The following SHISA9 variants were observed in gnomAD, a reference collection of about 807,000 sequenced individuals.
The protein encoded by SHISA9 is protein shisa-9.
Under a neutral mutation model 38.0 loss-of-function variants are expected in SHISA9, and 13 were observed. The ratio of observed to expected loss-of-function variants is 0.34; its 90% CI spans 0.22 to 0.54. SHISA9 has a LOEUF of 0.54. Ranked by LOEUF, SHISA9 falls within the 20% of genes least tolerant of loss-of-function variation. The probability of loss-of-function intolerance (pLI) is 0.91; values close to 1 mark genes in which losing one functional copy is unlikely to be tolerated. For synonymous variants in SHISA9, 275 were observed against 242.0 expected, an observed-to-expected ratio of 1.14 and a Z score of -1.27; for missense variants, 538 against 575.8, an observed-to-expected ratio of 0.93 and a Z score of 0.67.
intron 2 of SHISA9, among the ~76,000 whole-genome samples, chr16:13,039,301 A>G (rs984919445): frequency 6.6e-6 from 1 of 152,184 alleles, no homozygotes; most frequent in African/African-American, 2.4e-5. Context: ...TGAACTCTCA[A>G]AATTCTCAGG....
At chr16:13,147,393 G>T (rs752010414) in intron 2 of SHISA9, among the ~76,000 whole-genome samples, 1 of 151,476 alleles carries the variant, frequency 6.6e-6, no homozygotes, top group African/African-American at 2.4e-5. Context: ...AAACTTTAAG[G>T]CTAGGGATTT....
chr16:13,136,270 G>A (rs1348905969), intron 2 of SHISA9, among the ~76,000 whole-genome samples: 3 of 151,932 alleles, frequency 2.0e-5, no homozygotes, highest in Non-Finnish European at 4.4e-5. Context: ...GTAGTCTGAG[G>A]ATTAAATGAA....
chr16:13,560,213 T>C, the SHISA9 span, among the ~76,000 whole-genome samples: 1 of 152,202 alleles, frequency 6.6e-6, no homozygotes, highest in Admixed American at 6.5e-5. Context: ...GCTTAGTATC[T>C]TCCCAACACA....
intron 2 of SHISA9, among the ~76,000 whole-genome samples, chr16:13,187,753 A>G (rs1289963646): frequency 1.3e-5 from 2 of 152,182 alleles, no homozygotes; most frequent in Non-Finnish European, 2.9e-5. Flanking sequence ...ATGAAATTTC[A>G]AAGCAAAATG....
intron 2 of SHISA9, among the ~76,000 whole-genome samples, chr16:12,923,802 C>T (rs1300857644): frequency 5.9e-5 from 9 of 151,600 alleles, no homozygotes; most frequent in Admixed American, 5.3e-4. Flanking sequence ...GATCACGTCA[C>T]TGCACCCCAG....
the SHISA9 span, among the ~76,000 whole-genome samples, chr16:13,535,862 C>A: frequency 2.6e-5 from 4 of 152,222 alleles, no homozygotes; most frequent in Non-Finnish European, 4.4e-5. Flanking sequence ...TCACGGTCTG[C>A]AAGACCTAGA....
intron 2 of SHISA9, among the ~76,000 whole-genome samples, chr16:12,996,209 A>G (rs886674745): frequency 6.6e-6 from 1 of 152,128 alleles, no homozygotes; most frequent in African/African-American, 2.4e-5. Context: ...TGAGCTACAC[A>G]ATGTGTTTTT....
intron 2 of SHISA9, among the ~76,000 whole-genome samples, chr16:13,116,612 C>G (rs1381646276): frequency 1.3e-5 from 2 of 152,154 alleles, no homozygotes; most frequent in Admixed American, 1.3e-4. Context: ...GCATTTGAAT[C>G]CCATCATTTC....
chr16:13,516,374 C>A, the SHISA9 span, among the ~76,000 whole-genome samples: 4 of 152,254 alleles, frequency 2.6e-5, no homozygotes, highest in Admixed American at 2.6e-4. Context: ...AAGATTGAAA[C>A]CACATTTTTG....
At chr16:13,035,799 G>T (rs1347716065) in intron 2 of SHISA9, among the ~76,000 whole-genome samples, 1 of 152,176 alleles carries the variant, frequency 6.6e-6, no homozygotes, top group Non-Finnish European at 1.5e-5. Flanking sequence ...CCATCATAAA[G>T]ATCTGGGATT....
the SHISA9 span, among the ~76,000 whole-genome samples, chr16:13,381,766 TA>T: frequency 1.3e-5 from 2 of 152,232 alleles, no homozygotes; most frequent in Non-Finnish European, 1.5e-5. Flanking sequence ...CAAGAAGTTG[TA>T]AAATTTTTAT....
At chr16:13,454,244 A>C in the SHISA9 span, among the ~76,000 whole-genome samples, 1 of 152,216 alleles carries the variant, frequency 6.6e-6, no homozygotes, top group Non-Finnish European at 1.5e-5. Flanking sequence ...TTGTTTCGGA[A>C]CATGAAGGAG....
chr16:13,444,246 C>A, the SHISA9 span, among the ~76,000 whole-genome samples: 1 of 152,106 alleles, frequency 6.6e-6, no homozygotes, highest in African/African-American at 2.4e-5. Flanking sequence ...TGGCACGCAC[C>A]TATAGTCCCA....
chr16:13,358,693 A>G, the SHISA9 span, among the ~76,000 whole-genome samples: 1 of 152,224 alleles, frequency 6.6e-6, no homozygotes, highest in Admixed American at 6.5e-5. Flanking sequence ...GCCTCCAGAT[A>G]GAGAAAGATG....
chr16:13,206,062 G>A (rs555960078), intron 3 of SHISA9, among the ~76,000 whole-genome samples: 1 of 151,960 alleles, frequency 6.6e-6, no homozygotes, highest in Non-Finnish European at 1.5e-5. Flanking sequence ...ACTGCACTTG[G>A]CCAGGAAGGA....
At chr16:13,211,508 C>T (rs1385337438) in intron 3 of SHISA9, among the ~76,000 whole-genome samples, 5 of 152,180 alleles carry the variant, frequency 3.3e-5, no homozygotes, top group East Asian at 3.9e-4. Flanking sequence ...GAAATATTTT[C>T]GTCACACTGA....
the SHISA9 span, among the ~76,000 whole-genome samples, chr16:13,534,227 T>C: frequency 6.7e-6 from 1 of 148,372 alleles, no homozygotes; most frequent in East Asian, 2.0e-4. Context: ...CATTTCACTT[T>C]TTTTTTTTTT....
chr16:13,272,868 C>CA, the SHISA9 span, among the ~76,000 whole-genome samples: 3 of 152,172 alleles, frequency 2.0e-5, no homozygotes, highest in African/African-American at 7.2e-5. Flanking sequence ...CTATATTGAA[C>CA]AGATTTTTTT....
chr16:13,213,086 C>T (rs369400434), intron 3 of SHISA9, among the ~76,000 whole-genome samples, 167 bp from the exon 4 acceptor site: 5 of 152,284 alleles, frequency 3.3e-5, no homozygotes, highest in African/African-American at 1.2e-4. Context: ...ACACACATAG[C>T]TGCATTTTCA....
Sources: allele counts gnomAD v4.1 joint callset (sites outside exome capture counted in the v4.1 genomes callset), GRCh38; gene constraint gnomAD v4.1.1; transcripts MANE v1.5; gene names NCBI Gene and HGNC (gene_info 2026-07-23, HGNC 2026-07-21).